ANKRD60: variants seen among roughly 807,000 people sequenced by gnomAD.
ANKRD60 encodes ankyrin repeat domain-containing protein 60.
In ANKRD60, 24 loss-of-function variants were observed where a neutral mutation model predicts 21.3. The observed-to-expected ratio is 1.13, with a 90% confidence interval of 0.82 to 1.59. ANKRD60 has a LOEUF of 1.59. ANKRD60 is among the 40% of genes most tolerant of loss of function. The pLI is 0.00. For missense variants in ANKRD60, 490 were observed against 466.7 expected, an observed-to-expected ratio of 1.05 and a Z score of -0.46; for synonymous variants, 182 against 199.4, an observed-to-expected ratio of 0.91 and a Z score of 0.74.
intron 3 of ANKRD60, among the ~76,000 whole-genome samples, chr20:58,219,046 T>C (rs1024253141): frequency 6.6e-6 from 1 of 152,076 alleles, no homozygotes; most frequent in Non-Finnish European, 1.5e-5. Context: ...TTCTAGGTCT[T>C]TCCCGCTCAC....
In ANKRD60 at chr20:58,222,620, C is replaced by T. The variant is rs375264542; in HGVS notation, c.561+432G>A. Reference sequence around the variant, plus strand: ...GAGCCCTGGAGGACAGAGCGCCCGCCGCTCACCCCGGGAACGAGGGGCCTC... The same window carrying T: ...GAGCCCTGGAGGACAGAGCGCCCGCTGCTCACCCCGGGAACGAGGGGCCTC... On this transcript the variant is annotated intron_variant, in intron 2 of 3. Transcript: ENST00000457363. 5.3e-5 allele frequency among the ~76,000 whole-genome samples: 8 copies of T among 152,170 alleles called. 1 individual carries two copies. Among genetic ancestry groups the T allele is most frequent in the Admixed American group, 2.0e-4 (3 of 15,284 alleles).
chr20:58,221,504 C>A lies in ANKRD60; in HGVS notation c.562-1G>T, dbSNP rs754661453. Reference sequence around the variant, plus strand: ...CTTCAGTAAGCCCGAGACAAGATAGCTGGGCAAGACAAGAGGAGTTTGAGT... The same window carrying A: ...CTTCAGTAAGCCCGAGACAAGATAGATGGGCAAGACAAGAGGAGTTTGAGT... On this transcript the variant is annotated splice_acceptor_variant, in intron 2 of 3. Coordinates refer to ENST00000457363, the Ensembl canonical transcript of ANKRD60. LOFTEE classifies it high-confidence loss of function. 2.6e-6 allele frequency: 4 copies of A among 1,551,380 alleles called. No individual in the cohort carries two copies. In the South Asian group the frequency reaches 4.8e-5, roughly 18 times the overall value.
At chr20:58,224,484 C>T (rs1186723615) in intron 1 of ANKRD60, among the ~76,000 whole-genome samples, 1 of 152,234 alleles carries the variant, frequency 6.6e-6, no homozygotes, top group Non-Finnish European at 1.5e-5. Flanking sequence ...CAGACTGAGG[C>T]TCACATAGCC....
intron 1 of ANKRD60, among the ~76,000 whole-genome samples, chr20:58,226,456 G>A (rs534175635): frequency 3.7e-4 from 56 of 152,284 alleles, no homozygotes; most frequent in African/African-American, 1.3e-3. Flanking sequence ...GCTATATGCA[G>A]GGTTTGGTCT....
rs770316690 is a variant in ANKRD60 at position 58,218,783 on chromosome 20, G to A, written c.750C>T (p.Ser250=). The A allele has an allele frequency of 9.7e-6, 15 of 1,542,014 alleles. No homozygotes were observed. In the African/African-American group the frequency reaches 1.8e-4, roughly 18 times the overall value. Residue 250 remains serine, a synonymous_variant, in exon 4 of 4, where the codon TCC becomes TCT. Transcript: ENST00000457363. ...CATGCAGGGGTGTCCTGCCCAGGGG[G>A]GATCTGCTGAGGCAGCTGGCTCCTG... is the stretch of plus-strand genomic sequence containing the variant.
Position 58,228,629 on chromosome 20 carries a change from TCC to T in ANKRD60, c.23_24del (p.Gly8AspfsTer71). 1 of 814,072 alleles carries T rather than the reference TCC, an allele frequency of 1.2e-6. No homozygotes were observed. The highest frequency in any genetic ancestry group is 1.5e-6 in the Non-Finnish European group (1 of 670,610). The allele number at this position is 814,072 out of a possible 1,614,324, so 50.4% of individuals were successfully genotyped here. A position where few individuals can be genotyped will look rare whatever the true frequency, so the allele number is the denominator to read the frequency against. On this transcript the variant is annotated frameshift_variant, in exon 1 of 4. Coordinates refer to ENST00000457363, the Ensembl canonical transcript of ANKRD60. LOFTEE classifies it high-confidence loss of function. This position sits in a 1 kb window ranked among gnomAD's most constrained non-coding sequence, Gnocchi z 5.3. ...CCCGCCCCCGCCGCCGCCCGCCGCA[TCC>T]CCCAGGCGCGGCCGCGCGTCATCCG...
chr20:58,221,798 T>C (rs916775434), intron 2 of ANKRD60, among the ~76,000 whole-genome samples: 2 of 152,106 alleles, frequency 1.3e-5, no homozygotes, highest in Non-Finnish European at 2.9e-5. Context: ...CTTTGCCAGG[T>C]GTCCACAGGA....
chr20:58,227,854 T>C (rs1444222322), intron 1 of ANKRD60, among the ~76,000 whole-genome samples: 1 of 152,086 alleles, frequency 6.6e-6, no homozygotes, highest in Non-Finnish European at 1.5e-5. Flanking sequence ...GGACCTGGGT[T>C]CCTTATGAAG....
Position 58,228,100 on chromosome 20 carries a change from T to G in ANKRD60, c.430+124A>C. On this transcript the variant is annotated intron_variant, in intron 1 of 3. Transcript: ENST00000457363. The surrounding 1 kb of genome is among the most constrained non-coding windows in gnomAD (Gnocchi z 5.3). The stretch of plus-strand genomic sequence containing the variant: ...CCATCTGGGTTTCAGGGTGGTTGGG[T>G]TTCAGGGGTTTGCTTTGACATCTGG... The G allele has an allele frequency of 9.9e-7, 1 of 1,009,950 alleles. No individual in the cohort carries two copies. The highest frequency in any genetic ancestry group is 1.4e-6 in the Non-Finnish European group (1 of 705,162). 62.6% of individuals were successfully genotyped at this position (1,009,950 alleles called of 1,614,324 possible).
At chr20:58,221,251 G>T in intron 3 of ANKRD60, 87 bp downstream of exon 3, 1 of 1,383,614 alleles carries the variant, frequency 7.2e-7, no homozygotes, top group East Asian at 2.6e-5. Flanking sequence ...ACCACTGCTG[G>T]AAGGACTGGG....
At chr20:58,217,238 G>A (rs147217412), downstream of ANKRD60, among the ~76,000 whole-genome samples, 523 of 152,226 alleles carry the variant, frequency 3.4e-3, 4 homozygotes, top group African/African-American at 0.012. Context: ...AGACCAACCT[G>A]GCCAACGTGG....
intron 2 of ANKRD60, 45 bp from the exon 3 acceptor site, chr20:58,221,548 T>TA: frequency 6.5e-7 from 1 of 1,541,250 alleles, no homozygotes; most frequent in Non-Finnish European, 8.8e-7. Context: ...AAAGCGTGGC[T>TA]ACATTTTGCT....
At chr20:58,226,618 G>A (rs920788033) in intron 1 of ANKRD60, among the ~76,000 whole-genome samples, 1 of 152,146 alleles carries the variant, frequency 6.6e-6, no homozygotes, top group Non-Finnish European at 1.5e-5. Context: ...TTCAACCTTG[G>A]AGTGCTGATG....
At chr20:58,219,618 AT>A (rs1984204424) in intron 3 of ANKRD60, among the ~76,000 whole-genome samples, 2 of 152,352 alleles carry the variant, frequency 1.3e-5, no homozygotes, top group African/African-American at 4.8e-5. Flanking sequence ...ATTGAATCAA[AT>A]TCTGGATAAC....
chr20:58,227,213 C>T (rs1269765342), intron 1 of ANKRD60, among the ~76,000 whole-genome samples: 1 of 152,104 alleles, frequency 6.6e-6, no homozygotes, highest in Non-Finnish European at 1.5e-5. Flanking sequence ...GGGTCCTAAA[C>T]TGGACAGAGT....
exon 3 of ANKRD60, chr20:58,221,391 T>G: frequency 6.4e-7 from 1 of 1,552,402 alleles, no homozygotes; most frequent in Non-Finnish European, 8.7e-7. Context: ...TGAGGCCACA[T>G]ACAACGCCAC....
At position 58,223,705 on chromosome 20, in the gene ANKRD60, G is replaced by A. The variant is rs554419238; in HGVS notation, c.431-523C>T. On this transcript the variant is annotated intron_variant, in intron 1 of 3. Transcript: ENST00000457363. Reference sequence around the variant, plus strand: ...TTGGCACTGCTGACAGTTTAGACTGGGTAACTCCTTGTGGCAGGGGCCCCT... The same window carrying A: ...TTGGCACTGCTGACAGTTTAGACTGAGTAACTCCTTGTGGCAGGGGCCCCT... 2.6e-5 allele frequency among the ~76,000 whole-genome samples: 4 copies of A among 152,314 alleles called. No individual in the cohort carries two copies. In the South Asian group the frequency reaches 8.3e-4, roughly 32 times the overall value.
At chr20:58,216,662 G>A (rs1334032256), downstream of ANKRD60, among the ~76,000 whole-genome samples, 5 of 152,160 alleles carry the variant, frequency 3.3e-5, no homozygotes, top group Admixed American at 6.5e-5. Flanking sequence ...GTACAGCCAC[G>A]TACACTGAGT....
chr20:58,225,715 T>C (rs1378272528), intron 1 of ANKRD60, among the ~76,000 whole-genome samples: 6 of 152,214 alleles, frequency 3.9e-5, no homozygotes. Context: ...GCCCCTGCAG[T>C]ACAGCTGCAG....
Sources: gnomAD v4.1 joint callset for allele counts (sites outside exome capture counted in the v4.1 genomes callset) on GRCh38, gnomAD v4.1.1 for gene constraint, Gnocchi (gnomAD v3.1) non-coding constraint, MANE v1.5 for transcripts, NCBI Gene and HGNC (gene_info 2026-07-23, HGNC 2026-07-21) for gene names.